The following NELL1 variants were observed in gnomAD, a reference collection of about 807,000 sequenced individuals.
The protein encoded by NELL1 is neural EGFL like 1, also known as protein kinase C-binding protein NELL1.
NELL1 carries 76 observed loss-of-function variants against 107.4 expected under a neutral mutation model. The ratio of observed to expected loss-of-function variants is 0.71; its 90% confidence interval spans 0.59 to 0.86. NELL1 has a LOEUF of 0.86. Ranked by LOEUF, NELL1 falls within the 40% of genes least tolerant of loss-of-function variation. The probability of loss-of-function intolerance (pLI) is 0.00; values close to 1 mark genes in which losing one functional copy is unlikely to be tolerated. For synonymous variants in NELL1, 353 were observed against 341.2 expected, an observed-to-expected ratio of 1.03 and a Z score of -0.38; for missense variants, 1,024 against 1,005.5, an observed-to-expected ratio of 1.02 and a Z score of -0.25.
At chr11:20,790,657 G>A (rs1054071056) in intron 3 of NELL1, among the ~76,000 whole-genome samples, 2 of 152,172 alleles carry the variant, frequency 1.3e-5, no homozygotes, top group African/African-American at 4.8e-5. Context: ...ACTCCTACCT[G>A]CTCTGTGGAG....
intron 12 of NELL1, among the ~76,000 whole-genome samples, chr11:20,979,053 A>G (rs1010749018): frequency 4.6e-5 from 7 of 152,194 alleles, no homozygotes; most frequent in Non-Finnish European, 8.8e-5. Flanking sequence ...TTAAAGGATT[A>G]ATTGGAAAGC....
intron 15 of NELL1, among the ~76,000 whole-genome samples, chr11:21,492,506 A>T (rs983129001): frequency 6.6e-6 from 1 of 151,764 alleles, no homozygotes; most frequent in African/African-American, 2.4e-5. Flanking sequence ...CAAATGTCCA[A>T]CAATGATAGA....
At chr11:21,274,551 A>G (rs1454444342) in intron 14 of NELL1, among the ~76,000 whole-genome samples, 2 of 152,200 alleles carry the variant, frequency 1.3e-5, no homozygotes, top group African/African-American at 4.8e-5. Flanking sequence ...AAGCGGACCT[A>G]ATAGACATCT....
intron 15 of NELL1, among the ~76,000 whole-genome samples, chr11:21,425,942 G>A (rs1285377334): frequency 1.3e-5 from 2 of 152,120 alleles, no homozygotes; most frequent in Non-Finnish European, 2.9e-5. Flanking sequence ...GTTTATAAAT[G>A]TGGAGGTAAA....
intron 3 of NELL1, among the ~76,000 whole-genome samples, chr11:20,786,630 G>A (rs1291834636): frequency 6.6e-6 from 1 of 151,922 alleles, no homozygotes; most frequent in Non-Finnish European, 1.5e-5. Flanking sequence ...TTCTTCTTGT[G>A]TCCTCAGAAG....
intron 3 of NELL1, among the ~76,000 whole-genome samples, chr11:20,800,268 CA>C (rs1403354925): frequency 1.3e-5 from 2 of 152,138 alleles, no homozygotes; most frequent in African/African-American, 2.4e-5. Context: ...GAGAAATCTC[CA>C]AAATGCTTTC....
intron 12 of NELL1, among the ~76,000 whole-genome samples, chr11:21,029,845 T>C (rs1320880258): frequency 2.0e-5 from 3 of 152,210 alleles, no homozygotes; most frequent in African/African-American, 7.2e-5. Context: ...CTTCTCTCCA[T>C]TCATCTATTT....
chr11:21,163,391 G>A (rs1248027566), intron 13 of NELL1, among the ~76,000 whole-genome samples: 1 of 152,156 alleles, frequency 6.6e-6, no homozygotes, highest in Non-Finnish European at 1.5e-5. Context: ...AGAATAGTCT[G>A]GAGGAAGGAT....
intron 13 of NELL1, among the ~76,000 whole-genome samples, chr11:21,221,702 G>T (rs1305580920): frequency 2.6e-5 from 4 of 151,856 alleles, no homozygotes; most frequent in Middle Eastern, 3.2e-3. Flanking sequence ...TGATTTTTTT[G>T]TTGTTGTTCA....
At chr11:20,949,035 G>A (rs1303656085) in intron 11 of NELL1, among the ~76,000 whole-genome samples, 11 of 151,940 alleles carry the variant, frequency 7.2e-5, no homozygotes, top group African/African-American at 1.9e-4. Flanking sequence ...TGACTTTGCC[G>A]ACAAGAGGTT....
intron 2 of NELL1, among the ~76,000 whole-genome samples, chr11:20,724,164 C>A (rs1855457780): frequency 6.6e-6 from 1 of 152,228 alleles, no homozygotes; most frequent in Non-Finnish European, 1.5e-5. Flanking sequence ...AAGGGGTTGC[C>A]TTGAAGATCT....
chr11:21,492,639 G>T (rs539789883), intron 15 of NELL1, among the ~76,000 whole-genome samples: 1 of 150,252 alleles, frequency 6.7e-6, no homozygotes, highest in Admixed American at 6.7e-5. Context: ...GTAAACTATC[G>T]CAAGGACAAA....
At chr11:21,270,030 G>A (rs577370394) in intron 14 of NELL1, among the ~76,000 whole-genome samples, 31 of 151,880 alleles carry the variant, frequency 2.0e-4, no homozygotes, top group Admixed American at 2.0e-4. Flanking sequence ...TGTGGCAATC[G>A]CTTTTTGTTT....
chr11:21,179,393 A>G (rs558816175), intron 13 of NELL1, among the ~76,000 whole-genome samples: 23 of 151,978 alleles, frequency 1.5e-4, no homozygotes, highest in African/African-American at 5.6e-4. Context: ...TCAAAACTCA[A>G]TGGCTTAAAA....
At chr11:21,132,129 G>A (rs1855632530) in intron 13 of NELL1, among the ~76,000 whole-genome samples, 1 of 152,100 alleles carries the variant, frequency 6.6e-6, no homozygotes, top group South Asian at 2.1e-4. Flanking sequence ...AGAGGCTCAT[G>A]GTGCAATGAT....
intron 15 of NELL1, among the ~76,000 whole-genome samples, chr11:21,499,017 AG>A (rs1855065208): frequency 2.0e-5 from 3 of 152,120 alleles, no homozygotes; most frequent in Admixed American, 2.0e-4. Context: ...GTTTATAATT[AG>A]ACACTGAATA....
At chr11:20,684,236 CAT>C (rs1854254514) in intron 2 of NELL1, among the ~76,000 whole-genome samples, 1 of 151,410 alleles carries the variant, frequency 6.6e-6, no homozygotes, top group Non-Finnish European at 1.5e-5. Context: ...GTGAGACCCT[CAT>C]CTCTACAAAA....
At chr11:21,560,764 C>G (rs1856830406) in intron 17 of NELL1, among the ~76,000 whole-genome samples, 1 of 152,072 alleles carries the variant, frequency 6.6e-6, no homozygotes, top group Non-Finnish European at 1.5e-5. Context: ...AAAATAACCA[C>G]CTGCATGAAC....
At chr11:21,490,449 G>C (rs1266749895) in intron 15 of NELL1, among the ~76,000 whole-genome samples, 1 of 102,704 alleles carries the variant, frequency 9.7e-6, no homozygotes, top group African/African-American at 3.7e-5. Context: ...TCTAAAATGT[G>C]TATGGAACCA....
Sources: allele counts gnomAD v4.1 joint callset (sites outside exome capture counted in the v4.1 genomes callset), GRCh38; gene constraint gnomAD v4.1.1; transcripts MANE v1.5; gene names NCBI Gene and HGNC (gene_info 2026-07-23, HGNC 2026-07-21).